The following CDK6 variants were observed in gnomAD, a reference collection of about 807,000 sequenced individuals.
The protein encoded by CDK6 is cyclin dependent kinase 6.
A neutral mutation model predicts 37.1 loss-of-function variants in CDK6; 6 were observed. The ratio of observed to expected loss-of-function variants is 0.16; its 90% CI spans 0.09 to 0.32. The LOEUF (loss-of-function observed/expected upper bound fraction) is 0.32, where lower values mean the gene tolerates loss of function less well. Among genes scored for constraint, CDK6 ranks in the 10% least tolerant of loss-of-function variants. CDK6 has a pLI of 1.00. For missense variants in CDK6, 224 were observed against 418.9 expected (o/e 0.53, Z 4.06); for synonymous variants, 160 against 161.3 (o/e 0.99, Z 0.06).
chr7:92,651,671 A>AG (rs1020183103), intron 5 of CDK6, among the ~76,000 whole-genome samples: 11 of 152,298 alleles, frequency 7.2e-5, no homozygotes, highest in African/African-American at 2.6e-4. Context: ...GAGTGACTTC[A>AG]GGGGGCTTAA....
intron 2 of CDK6, among the ~76,000 whole-genome samples, chr7:92,802,863 C>G (rs1390715633): frequency 6.6e-6 from 1 of 152,122 alleles, no homozygotes; most frequent in Non-Finnish European, 1.5e-5. Flanking sequence ...CTTCCCTCAC[C>G]TCTACTCACT....
intron 2 of CDK6, among the ~76,000 whole-genome samples, chr7:92,794,775 A>G (rs1358802100): frequency 2.6e-5 from 4 of 152,170 alleles, no homozygotes; most frequent in African/African-American, 9.7e-5. Context: ...AAAAATATTC[A>G]GTTGTCCTAT....
At chr7:92,640,019 TTAA>T (rs1391740913) in intron 5 of CDK6, among the ~76,000 whole-genome samples, 6 of 152,176 alleles carry the variant, frequency 3.9e-5, no homozygotes, top group African/African-American at 1.4e-4. Flanking sequence ...TGGGTTCTCC[TTAA>T]TAATATGTTT....
chr7:92,623,319 C>T (rs1250677712), intron 5 of CDK6, among the ~76,000 whole-genome samples: 5 of 152,088 alleles, frequency 3.3e-5, no homozygotes, highest in Admixed American at 6.6e-5. Flanking sequence ...TTTACAATCA[C>T]GGGCATTCTG....
At chr7:92,808,748 T>C (rs78927586) in intron 2 of CDK6, among the ~76,000 whole-genome samples, 3,132 of 152,248 alleles carry the variant, frequency 0.021, 87 homozygotes, top group African/African-American at 0.071. Context: ...ACATAACCCA[T>C]TTTCAGCTGG....
intron 2 of CDK6, among the ~76,000 whole-genome samples, chr7:92,807,493 T>C (rs942769005): frequency 2.0e-4 from 30 of 151,710 alleles, no homozygotes; most frequent in African/African-American, 6.5e-4. Context: ...TATATGTAAG[T>C]TTATATCTAT....
At chr7:92,823,930 G>C (rs549884984) in intron 2 of CDK6, among the ~76,000 whole-genome samples, 3 of 152,126 alleles carry the variant, frequency 2.0e-5, no homozygotes, top group East Asian at 3.9e-4. Flanking sequence ...GCCTTCCAAA[G>C]TGCTAGAATT....
intron 3 of CDK6, among the ~76,000 whole-genome samples, chr7:92,771,624 A>G (rs895143427): frequency 1.3e-5 from 2 of 152,178 alleles, no homozygotes; most frequent in African/African-American, 4.8e-5. Flanking sequence ...CTTATACTCT[A>G]AAGGTCCTTC....
At position 92,608,253 on chromosome 7, in the gene CDK6, T is replaced by C. The variant is rs1458181043; in HGVS notation, c.*6887A>G. ...CATTTGACAATCCAAACTCCTAAAA[T>C]TGAGAAAGGGTTATTTGTGTGACCA... On this transcript the variant is annotated 3_prime_UTR_variant, in exon 8 of 8. Transcript: ENST00000424848. 5 of 232,030 alleles carry C rather than the reference T, an allele frequency of 2.2e-5. No individual in the cohort carries two copies. The highest frequency in any genetic ancestry group is 4.3e-5 in the Non-Finnish European group (5 of 117,422). 14.4% of individuals were successfully genotyped at this position (232,030 alleles called of 1,614,324 possible).
chr7:92,687,197 C>T (rs1209124354), intron 4 of CDK6, among the ~76,000 whole-genome samples: 1 of 152,210 alleles, frequency 6.6e-6, no homozygotes, highest in Non-Finnish European at 1.5e-5. Flanking sequence ...CTCCACACTC[C>T]TGCAGTACAC....
rs1585328632 is a variant in CDK6 at position 92,604,999 on chromosome 7, G to A, written c.*10141C>T. On this transcript the variant is annotated 3_prime_UTR_variant, in exon 8 of 8. Transcript: ENST00000424848. Reference sequence around the variant, plus strand: ...TTACATTAAAGTAAAAAAGAAAATAGCCAGGAGAGTAATTCATCTCCAGAA... The same window carrying A: ...TTACATTAAAGTAAAAAAGAAAATAACCAGGAGAGTAATTCATCTCCAGAA... The A allele has an allele frequency of 9.2e-6, 2 of 216,900 alleles. No homozygotes were observed. The highest frequency in any genetic ancestry group is 1.4e-4 in the East Asian group (2 of 14,776). The allele number at this position is 216,900 out of a possible 1,614,324, so 13.4% of individuals were successfully genotyped here.
At position 92,779,438 on chromosome 7, in the gene CDK6, T is replaced by A. The variant is rs577231548; in HGVS notation, c.234-4607A>T. On this transcript the variant is annotated intron_variant, in intron 2 of 7. Coordinates refer to ENST00000424848, the MANE Select transcript of CDK6 (RefSeq NM_001145306.2). Reference sequence around the variant, plus strand: ...ACATTTTCACATAAATTTTAATGTATATACTTGCATATTCTTAAAAAATGG... The same window carrying A: ...ACATTTTCACATAAATTTTAATGTAAATACTTGCATATTCTTAAAAAATGG... 1.1e-4 allele frequency among the ~76,000 whole-genome samples: 16 copies of A among 152,364 alleles called. No individual in the cohort carries two copies. The South Asian group carries it at 2.5e-3, about 24-fold the overall frequency.
At chr7:92,645,790 T>C (rs1451047858) in intron 5 of CDK6, among the ~76,000 whole-genome samples, 1 of 152,244 alleles carries the variant, frequency 6.6e-6, no homozygotes, top group African/African-American at 2.4e-5. Flanking sequence ...GTATGTTGGA[T>C]GACCTTCCAA....
chr7:92,756,662 T>C (rs898317339), intron 3 of CDK6, among the ~76,000 whole-genome samples: 22 of 152,224 alleles, frequency 1.4e-4, no homozygotes, highest in African/African-American at 4.8e-4. Context: ...GGAAGATGTA[T>C]GCTTCTACTT....
chr7:92,659,638 C>CG (rs1796792950), intron 5 of CDK6, among the ~76,000 whole-genome samples: 1 of 134,496 alleles, frequency 7.4e-6, no homozygotes, highest in Admixed American at 7.5e-5. Context: ...ACACACACCA[C>CG]ACACACACAC....
At chr7:92,764,284 A>G (rs1028013896) in intron 3 of CDK6, among the ~76,000 whole-genome samples, 14 of 152,032 alleles carry the variant, frequency 9.2e-5, no homozygotes, top group African/African-American at 3.1e-4. Context: ...GACTATAGGT[A>G]TGCACCACAA....
chr7:92,745,364 T>C (rs1799033763), intron 3 of CDK6, among the ~76,000 whole-genome samples: 1 of 152,212 alleles, frequency 6.6e-6, no homozygotes, highest in African/African-American at 2.4e-5. Flanking sequence ...CCACACAATT[T>C]TGTCTTCTGT....
chr7:92,724,948 T>C, intron 4 of CDK6: 1 of 883,408 alleles, frequency 1.1e-6, no homozygotes, highest in Non-Finnish European at 1.4e-6. Flanking sequence ...ATCTGAGAAA[T>C]AATGAACTAT....
intron 3 of CDK6, among the ~76,000 whole-genome samples, chr7:92,733,921 T>C (rs1406781809): frequency 6.6e-6 from 1 of 152,178 alleles, no homozygotes; most frequent in Non-Finnish European, 1.5e-5. Flanking sequence ...TGGCCTCAAA[T>C]TCCTGGCCTC....
Sources: gnomAD v4.1 joint callset for allele counts (sites outside exome capture counted in the v4.1 genomes callset) on GRCh38, gnomAD v4.1.1 for gene constraint, MANE v1.5 for transcripts, NCBI Gene and HGNC (gene_info 2026-07-23, HGNC 2026-07-21) for gene names.